The following ZFHX4 variants were observed in gnomAD, a reference collection of about 807,000 sequenced individuals.
ZFHX4 encodes the protein zinc finger homeobox 4.
A neutral mutation model predicts 267.6 loss-of-function variants in ZFHX4; 56 were observed. That is an observed-to-expected ratio of 0.21 (90% confidence interval 0.17 to 0.26). The LOEUF is 0.26. ZFHX4 is among the 10% of genes least tolerant of loss of function. The probability of loss-of-function intolerance (pLI) is 1.00; values close to 1 mark genes in which losing one functional copy is unlikely to be tolerated. For missense variants in ZFHX4, 4,332 were observed against 4,420.0 expected (o/e 0.98, Z 0.56); for synonymous variants, 1,778 against 1,665.6 (o/e 1.07, Z -1.64).
chr8:76,829,205 AT>A (rs1811864053), intron 4 of ZFHX4, among the ~76,000 whole-genome samples: 1 of 145,778 alleles, frequency 6.9e-6, no homozygotes, highest in African/African-American at 2.6e-5. Flanking sequence ...AAAAATTAAA[AT>A]TCCAAATATA....
Position 76,706,063 on chromosome 8 carries a change from C to G in ZFHX4, c.1975C>G (p.Leu659Val). 6.2e-7 allele frequency: 1 copy of G among 1,613,762 alleles called. No individual in the cohort carries two copies. The highest frequency in any genetic ancestry group is 1.1e-5 in the South Asian group (1 of 91,050). Reference sequence around the variant, plus strand: ...CTGGCACTACAAATATCAGCAGACCCTGGAGGCCCATATGAAGGAGAAACA... The same window carrying G: ...CTGGCACTACAAATATCAGCAGACCGTGGAGGCCCATATGAAGGAGAAACA... ...CNWHYKYQQT[L>V]EAHMKEKHPE... Residue 659 changes from leucine to valine, a missense_variant, in exon 2 of 11, where the codon CTG becomes GTG. Coordinates refer to ENST00000651372, the MANE Select transcript of ZFHX4 (RefSeq NM_024721.5).
intron 4 of ZFHX4, among the ~76,000 whole-genome samples, chr8:76,778,953 C>T (rs1301399877): frequency 6.6e-6 from 1 of 152,162 alleles, no homozygotes; most frequent in East Asian, 1.9e-4. Flanking sequence ...GCAAAATGAG[C>T]GCTTAACTTG....
chr8:76,815,569 G>C (rs10104892), intron 4 of ZFHX4, among the ~76,000 whole-genome samples: 2 of 151,832 alleles, frequency 1.3e-5, no homozygotes, highest in Admixed American at 1.3e-4. Context: ...TGGCATGATC[G>C]TGACTCACTG....
At chr8:76,814,908 C>A (rs1462255978) in intron 4 of ZFHX4, among the ~76,000 whole-genome samples, 1 of 152,140 alleles carries the variant, frequency 6.6e-6, no homozygotes, top group Admixed American at 6.5e-5. Context: ...GAGGTTTCAG[C>A]TTTAAGCACT....
chr8:76,740,606 G>A (rs922781451), intron 3 of ZFHX4, among the ~76,000 whole-genome samples: 1 of 152,110 alleles, frequency 6.6e-6, no homozygotes, highest in Non-Finnish European at 1.5e-5. Flanking sequence ...TTGAAATGGG[G>A]AGAGGGGAAG....
intron 5 of ZFHX4, among the ~76,000 whole-genome samples, chr8:76,838,448 T>C (rs1812147685): frequency 6.6e-6 from 1 of 151,830 alleles, no homozygotes; most frequent in African/African-American, 2.4e-5. Flanking sequence ...GTACAGAAGG[T>C]TGAGTTATTT....
Position 76,854,831 on chromosome 8 carries a change from A to G in ZFHX4, c.7910A>G (p.His2637Arg), listed in dbSNP as rs760041180. 1.2e-6 allele frequency: 2 copies of G among 1,611,064 alleles called. No homozygotes were observed. The highest frequency in any genetic ancestry group is 8.5e-7 in the Non-Finnish European group (1 of 1,178,966). The change falls in exon 10 of 11, where the codon CAT becomes CGT. Residue 2637 changes from histidine (H) to arginine (R), a missense_variant. Coordinates refer to ENST00000651372, the MANE Select transcript of ZFHX4 (RefSeq NM_024721.5). ...DSNPTRKMLD[H>R]IAREVGLKKR... ...AATCCTACCAGAAAAATGCTTGATC[A>G]TATTGCCCGCGAAGTCGGGCTGAAA... is the stretch of plus-strand genomic sequence containing the variant.
intron 10 of ZFHX4, among the ~76,000 whole-genome samples, chr8:76,862,397 A>G (rs1812894254): frequency 6.6e-6 from 1 of 152,218 alleles, no homozygotes; most frequent in Admixed American, 6.5e-5. Flanking sequence ...GTACCCTGTT[A>G]GGCAAGTTGT....
At chr8:76,816,913 T>G (rs1811521749) in intron 4 of ZFHX4, among the ~76,000 whole-genome samples, 1 of 152,160 alleles carries the variant, frequency 6.6e-6, no homozygotes, top group South Asian at 2.1e-4. Flanking sequence ...TCTTTTATGC[T>G]ATAAGTTAAA....
rs1812480877 is a variant in ZFHX4 at position 76,850,330 on chromosome 8, C to T, written c.3932C>T (p.Ala1311Val). ...AAATCAGAGCGGGACACACCTGCAG[C>T]CGTGACAGCTGAGGGGTCTGGGAAA... Reference protein sequence around the residue: ...SEKSERDTPAAVTAEGSGKYS... With the variant: ...SEKSERDTPAVVTAEGSGKYS... The change falls in exon 9 of 11, where the codon GCC (alanine) becomes GTC (valine). Residue 1311 changes from alanine (A) to valine (V), a missense_variant. Physicochemically the swap from Ala to Val is moderately conservative, Grantham distance 64. Coordinates refer to ENST00000651372, the MANE Select transcript of ZFHX4 (RefSeq NM_024721.5). 2 of 1,612,674 alleles carry T rather than the reference C, an allele frequency of 1.2e-6. No individual in the cohort carries two copies. The highest frequency in any genetic ancestry group is 3.3e-5 in the Admixed American group (2 of 59,876).
At chr8:76,726,627 G>A (rs1808861081) in intron 3 of ZFHX4, among the ~76,000 whole-genome samples, 1 of 151,988 alleles carries the variant, frequency 6.6e-6, no homozygotes, top group Non-Finnish European at 1.5e-5. Context: ...GATATATTCT[G>A]AGAAAAAGTT....
rs144149879 is a variant in ZFHX4, at chr8:76,752,487, C to CAAAA, written c.3094-25702_3094-25699dup. Among the ~76,000 whole-genome samples, 15 of 70,952 alleles carry CAAAA rather than the reference C, an allele frequency of 2.1e-4. 1 individual carries two copies. Among genetic ancestry groups the CAAAA allele is most frequent in the Admixed American group, 3.7e-4 (2 of 5,366 alleles). The allele number at this position is 70,952 out of a possible 152,430, so 46.5% of individuals were successfully genotyped here. On this transcript the variant is annotated intron_variant, in intron 3 of 10. Coordinates refer to ENST00000651372, the MANE Select transcript of ZFHX4 (RefSeq NM_024721.5). ...TGAAACCCTGTCTCTACCAAAAATC[C>CAAAA]AAAAAAAAAAAAAAAAAAAAAAGAA...
intron 4 of ZFHX4, 68 bp downstream of exon 4, chr8:76,778,507 A>G: frequency 1.6e-6 from 2 of 1,229,996 alleles, no homozygotes; most frequent in South Asian, 2.5e-5. Flanking sequence ...ACACACACAC[A>G]CAAACACACA....
intron 4 of ZFHX4, among the ~76,000 whole-genome samples, chr8:76,792,339 G>A (rs1032920908): frequency 6.6e-6 from 1 of 152,116 alleles, no homozygotes; most frequent in Non-Finnish European, 1.5e-5. Flanking sequence ...AGTGAGCTGT[G>A]CAGGTGTCTA....
intron 3 of ZFHX4, among the ~76,000 whole-genome samples, chr8:76,744,714 A>G (rs1205287919): frequency 6.6e-6 from 1 of 152,140 alleles, no homozygotes; most frequent in African/African-American, 2.4e-5. Context: ...CACCCAGCCA[A>G]TATGCTATAC....
chr8:76,749,336 C>T (rs941475085), intron 3 of ZFHX4, among the ~76,000 whole-genome samples: 1 of 152,140 alleles, frequency 6.6e-6, no homozygotes, highest in Non-Finnish European at 1.5e-5. Flanking sequence ...CTCATCGACT[C>T]TTTGTCAATT....
intron 10 of ZFHX4, among the ~76,000 whole-genome samples, chr8:76,858,304 A>C (rs898369316): frequency 1.3e-5 from 2 of 152,238 alleles, no homozygotes; most frequent in African/African-American, 4.8e-5. Flanking sequence ...TACAGGCCCT[A>C]TTTGTAATAG....
chr8:76,850,186 T>C, intron 8 of ZFHX4, 59 bp from the exon 9 acceptor site: 2 of 1,300,912 alleles, frequency 1.5e-6, no homozygotes, highest in South Asian at 2.6e-5. Context: ...AAAAGAGAGA[T>C]GTGATGGAAT....
chr8:76,741,307 T>C (rs373123045), intron 3 of ZFHX4, among the ~76,000 whole-genome samples: 7 of 152,136 alleles, frequency 4.6e-5, no homozygotes, highest in Non-Finnish European at 1.0e-4. Context: ...ATGAATGAGA[T>C]CTATGTGTTT....
Sources: allele counts gnomAD v4.1 joint callset (sites outside exome capture counted in the v4.1 genomes callset), GRCh38; gene constraint gnomAD v4.1.1; transcripts MANE v1.5; gene names NCBI Gene and HGNC (gene_info 2026-07-23, HGNC 2026-07-21).